The following ZNF398 variants were observed in gnomAD, a reference collection of about 807,000 sequenced individuals.
ZNF398 encodes the protein zinc finger DNA binding protein ZER6.
A neutral mutation model predicts 41.9 loss-of-function variants in ZNF398; 18 were observed. The observed-to-expected ratio is 0.43, with a 90% CI of 0.30 to 0.64. The LOEUF (loss-of-function observed/expected upper bound fraction) is 0.64, where lower values mean the gene tolerates loss of function less well. Ranked by LOEUF, ZNF398 falls within the 30% of genes least tolerant of loss-of-function variation. ZNF398 has a pLI of 0.14. For missense variants in ZNF398, 669 were observed against 822.8 expected (o/e 0.81, Z 2.29); for synonymous variants, 260 against 308.8 (o/e 0.84, Z 1.66).
intron 1 of ZNF398, among the ~76,000 whole-genome samples, chr7:149,148,828 C>T (rs902297481): frequency 7.1e-5 from 10 of 141,646 alleles, no homozygotes; most frequent in Non-Finnish European, 1.5e-4. Context: ...TTTCCTAGAA[C>T]ATCATGAGAT....
Position 149,179,066 on chromosome 7 carries a change from C to T in ZNF398, c.1194C>T (p.Pro398=), listed in dbSNP as rs368138483. ...AGGACCATGCCAGCGAGACACCCCC[C>T]ACCTGCCCACACTGTGCCAGGACTT... ...TSQDHASETP[P]TCPHCARTFT... Residue 398 remains proline (P), a synonymous_variant, in exon 6 of 6, where the codon CCC becomes CCT. Coordinates refer to ENST00000475153, the MANE Select transcript of ZNF398 (RefSeq NM_170686.3). This position sits in a 1 kb window ranked among gnomAD's most constrained non-coding sequence, Gnocchi z 6.1. The T allele has an allele frequency of 6.2e-7, 1 of 1,614,094 alleles. No individual in the cohort carries two copies. The highest frequency in any genetic ancestry group is 8.5e-7 in the Non-Finnish European group (1 of 1,180,018).
chr7:149,127,062 G>A (rs1013478849), intron 1 of ZNF398, among the ~76,000 whole-genome samples: 8 of 152,240 alleles, frequency 5.3e-5, no homozygotes, highest in African/African-American at 1.9e-4. Context: ...GTGACAGAGC[G>A]GGAGAAGACG....
intron 4 of ZNF398, among the ~76,000 whole-genome samples, chr7:149,172,503 G>A (rs1795368077): frequency 6.6e-6 from 1 of 151,858 alleles, no homozygotes; most frequent in Non-Finnish European, 1.5e-5. Context: ...TAGTAATGGT[G>A]GCAATTCAGA....
chr7:149,173,782 ATTCTTTTTTTTTTTT>A (rs1795402517), intron 4 of ZNF398, among the ~76,000 whole-genome samples: 1 of 125,082 alleles, frequency 8.0e-6, no homozygotes, highest in Non-Finnish European at 1.6e-5. Flanking sequence ...ATTTAGCATA[ATTCTTTTTTTTTTTT>A]TTTTTTTTTT....
chr7:149,130,095 G>A (rs940377143), intron 2 of ZNF398, among the ~76,000 whole-genome samples: 2 of 149,966 alleles, frequency 1.3e-5, no homozygotes, highest in Non-Finnish European at 3.0e-5. Context: ...CACTGCACCC[G>A]GCCTATTTAT....
At chr7:149,172,145 C>T (rs1287361141) in intron 4 of ZNF398, among the ~76,000 whole-genome samples, 2 of 152,304 alleles carry the variant, frequency 1.3e-5, no homozygotes, top group East Asian at 1.9e-4. Flanking sequence ...AGTTTTGTAT[C>T]AGCATAGAGA....
At chr7:149,127,152 G>A (rs1268512543) in intron 1 of ZNF398, among the ~76,000 whole-genome samples, 2 of 152,176 alleles carry the variant, frequency 1.3e-5, no homozygotes, top group African/African-American at 2.4e-5. Flanking sequence ...GGGGAAACCA[G>A]GGAGAGACAG....
chr7:149,135,389 CAAAAAAAAAAAAAAAAAA>C (rs777888671), intron 2 of ZNF398, among the ~76,000 whole-genome samples: 1 of 61,408 alleles, frequency 1.6e-5, no homozygotes, highest in African/African-American at 5.9e-5. Flanking sequence ...GACTCTGTCT[CAAAAAAAAAAAAAAAAAA>C]AAAAGAAAGA....
chr7:149,179,060 A>G lies in ZNF398; in HGVS notation c.1188A>G (p.Thr396=), dbSNP rs763748976. The stretch of plus-strand genomic sequence containing the variant: ...CCTCCCAGGACCATGCCAGCGAGAC[A>G]CCCCCCACCTGCCCACACTGTGCCA... ...SSTSQDHASE[T]PPTCPHCART... is the part of the protein sequence containing the mutation. Residue 396 remains threonine (T), a synonymous_variant, in exon 6 of 6, where the codon ACA becomes ACG. Transcript: ENST00000475153. This position sits in a 1 kb window ranked among gnomAD's most constrained non-coding sequence, Gnocchi z 6.1. The G allele has an allele frequency of 6.2e-7, 1 of 1,612,598 alleles. No individual in the cohort carries two copies. Among genetic ancestry groups the G allele is most frequent in the Non-Finnish European group, 8.5e-7 (1 of 1,179,660 alleles).
intron 5 of ZNF398, among the ~76,000 whole-genome samples, chr7:149,178,152 C>T (rs911564992): frequency 6.6e-5 from 10 of 152,052 alleles, no homozygotes; most frequent in Non-Finnish European, 8.8e-5. Context: ...ATTAGTTGGG[C>T]GTAGTGGCGG....
intron 2 of ZNF398, among the ~76,000 whole-genome samples, chr7:149,130,254 C>T (rs1826571049): frequency 6.6e-6 from 1 of 152,108 alleles, no homozygotes; most frequent in African/African-American, 2.4e-5. Context: ...CACCACCCCA[C>T]CTGGCTAATT....
intron 2 of ZNF398, among the ~76,000 whole-genome samples, chr7:149,129,250 A>T (rs138239207): frequency 1.1e-3 from 167 of 152,268 alleles, no homozygotes; most frequent in African/African-American, 3.8e-3. Flanking sequence ...CCTTCTGGTG[A>T]GATTTTTATA....
intron 2 of ZNF398, among the ~76,000 whole-genome samples, chr7:149,130,812 G>A (rs1308302653): frequency 1.3e-5 from 2 of 152,136 alleles, no homozygotes; most frequent in African/African-American, 2.4e-5. Context: ...ATGGGAGATG[G>A]GAGATGGGAG....
chr7:149,143,942 T>C (rs1826880254), upstream of ZNF398, among the ~76,000 whole-genome samples: 1 of 152,196 alleles, frequency 6.6e-6, no homozygotes, highest in South Asian at 2.1e-4. Flanking sequence ...GACAAAAATA[T>C]TATAAATTAA....
At chr7:149,141,420 C>T (rs1206027398) in intron 2 of ZNF398, among the ~76,000 whole-genome samples, 1 of 148,454 alleles carries the variant, frequency 6.7e-6, no homozygotes, top group Admixed American at 6.8e-5. Flanking sequence ...CTCAGCCTCC[C>T]GAGTAGCTAG....
chr7:149,169,662 G>T (rs1406675391), intron 4 of ZNF398, among the ~76,000 whole-genome samples: 1 of 152,028 alleles, frequency 6.6e-6, no homozygotes, highest in Non-Finnish European at 1.5e-5. Flanking sequence ...ATGTTGCCCG[G>T]GCTGGTTTTG....
chr7:149,130,742 C>A (rs1455645773), intron 2 of ZNF398, among the ~76,000 whole-genome samples: 1 of 152,186 alleles, frequency 6.6e-6, no homozygotes, highest in African/African-American at 2.4e-5. Context: ...GAAAGCCAAT[C>A]ATGACAACAA....
Position 149,154,250 on chromosome 7 carries a change from G to A in ZNF398, c.330G>A (p.Gln110=). The stretch of plus-strand genomic sequence containing the variant: ...TGCTGCAGGAGTACGGGCTGCTGCA[G>A]AGGCGGCTGGAGAACTTGGAGAACC... ...GTLLQEYGLL[Q]RRLENLENLL... is the part of the protein sequence containing the mutation. Residue 110 remains glutamine, a synonymous_variant, in exon 2 of 6, where the codon CAG becomes CAA. Coordinates refer to ENST00000475153, the MANE Select transcript of ZNF398 (RefSeq NM_170686.3). 1 of 1,614,166 alleles carries A rather than the reference G, an allele frequency of 6.2e-7. No individual in the cohort carries two copies. Among genetic ancestry groups the A allele is most frequent in the Non-Finnish European group, 8.5e-7 (1 of 1,180,024 alleles).
intron 4 of ZNF398, among the ~76,000 whole-genome samples, chr7:149,171,878 A>G (rs1795350369): frequency 6.6e-6 from 1 of 152,116 alleles, no homozygotes; most frequent in South Asian, 2.1e-4. Context: ...CATGTTGCCC[A>G]GTGTGGTCTC....
Sources: gnomAD v4.1 joint callset for allele counts (sites outside exome capture counted in the v4.1 genomes callset) on GRCh38, gnomAD v4.1.1 for gene constraint, Gnocchi (gnomAD v3.1) non-coding constraint, MANE v1.5 for transcripts, NCBI Gene and HGNC (gene_info 2026-07-23, HGNC 2026-07-21) for gene names.